TADA2A: variants seen among roughly 807,000 people sequenced by gnomAD.
The protein encoded by TADA2A is transcriptional adapter 2-alpha.
TADA2A carries 38 observed loss-of-function variants against 67.4 expected under a neutral mutation model. That is an observed-to-expected ratio of 0.56 (90% CI 0.44 to 0.74). TADA2A has a LOEUF of 0.74. TADA2A is among the 30% of genes least tolerant of loss of function. The probability of loss-of-function intolerance (pLI) is 0.00; values close to 1 mark genes in which losing one functional copy is unlikely to be tolerated. For missense variants in TADA2A, 454 were observed against 547.0 expected, an observed-to-expected ratio of 0.83 and a Z score of 1.70; for synonymous variants, 192 against 181.6, an observed-to-expected ratio of 1.06 and a Z score of -0.46.
Position 37,474,565 on chromosome 17 carries a change from G to A in TADA2A, c.1082G>A (p.Ser361Asn). Residue 361 changes from serine (S) to asparagine (N), a missense_variant, in exon 15 of 16, where the codon AGT becomes AAT. Ser to Asn is a conservative substitution (Grantham distance 46). Around this residue, in one of 2 missense-constraint regions of TADA2A, gnomAD observed 403 missense variants for 455.5 expected, o/e 0.88. Coordinates refer to ENST00000615182, the MANE Select transcript of TADA2A (RefSeq NM_001166105.3). ...CTTTCTCTGTCTATAGGTAGACGGA[G>A]TGCACCACCCTTGAACCTCACTGGC... ...IPMASNSGRR[S>N]APPLNLTGLP... The A allele has an allele frequency of 1.9e-6, 3 of 1,613,646 alleles. No individual in the cohort carries two copies.
At position 37,430,234 on chromosome 17, in the gene TADA2A, C is replaced by G. The variant is rs139450261; in HGVS notation, c.192+3225C>G. 1.0e-3 allele frequency among the ~76,000 whole-genome samples: 159 copies of G among 152,342 alleles called. 3 individuals carry two copies. In the East Asian group the frequency reaches 0.029, roughly 27 times the overall value. Reference sequence around the variant, plus strand: ...CATCATCCTTTTCTCACGTATTCAACACCCATACAATCACATTTCAGAGTA... The same window carrying G: ...CATCATCCTTTTCTCACGTATTCAAGACCCATACAATCACATTTCAGAGTA... On this transcript the variant is annotated intron_variant, in intron 4 of 15. Transcript: ENST00000615182.
chr17:37,411,810 C>G (rs1264031555), intron 2 of TADA2A, among the ~76,000 whole-genome samples: 1 of 151,892 alleles, frequency 6.6e-6, no homozygotes, highest in Admixed American at 6.6e-5. Flanking sequence ...CAATAAAGCC[C>G]TTTGACTCTG....
chr17:37,444,690 A>G lies in TADA2A; in HGVS notation c.532-6A>G, dbSNP rs2053023582. 1 of 1,613,690 alleles carries G rather than the reference A, an allele frequency of 6.2e-7. No individual in the cohort carries two copies. The highest frequency in any genetic ancestry group is 8.5e-7 in the Non-Finnish European group (1 of 1,179,788). On this transcript the variant is annotated splice_polypyrimidine_tract_variant and splice_region_variant and intron_variant, in intron 7 of 15. Coordinates refer to ENST00000615182, the MANE Select transcript of TADA2A (RefSeq NM_001166105.3). ...GGGGTGGGGATTTTTTTGTTCCCCT[A>G]AACAGGAATTTGACAATTATGCAGA...
In TADA2A at chr17:37,427,009, G is replaced by T; in HGVS notation, c.192G>T (p.Met64Ile). Residue 64 changes from methionine (M) to isoleucine (I), a missense_variant and splice_region_variant, in exon 4 of 16, where the codon ATG becomes ATT. Transcript: ENST00000615182. ...AAAGCGATCATACTTATGAAATAAT[G>T]GTAATGATGAAGTTGCTGGGAATTT... ...KHQSDHTYEI[M>I]TSDFPVLDPS... The T allele has an allele frequency of 6.3e-7, 1 of 1,575,386 alleles. No individual in the cohort carries two copies. Among genetic ancestry groups the T allele is most frequent in the Non-Finnish European group, 8.6e-7 (1 of 1,159,056 alleles).
intron 3 of TADA2A, among the ~76,000 whole-genome samples, chr17:37,425,647 G>A (rs1394892330): frequency 1.3e-5 from 2 of 151,880 alleles, no homozygotes; most frequent in Admixed American, 6.6e-5. Flanking sequence ...CTTGATTTCA[G>A]AGAGTTTTTT....
rs931699078 is a variant in TADA2A, at chr17:37,439,954, T to A, written c.285-551T>A. ...TATTTATTTATTTATTATTTTTTTT[T>A]TTTTTTGAGATGGAGTTTCGCTCTT... is the stretch of plus-strand genomic sequence containing the variant. On this transcript the variant is annotated intron_variant, in intron 5 of 15. Transcript: ENST00000615182. 1.1e-3 allele frequency among the ~76,000 whole-genome samples: 158 copies of A among 146,640 alleles called. 1 individual carries two copies. The highest frequency in any genetic ancestry group is 3.5e-3 in the African/African-American group (139 of 39,868).
At position 37,478,660 on chromosome 17, in the gene TADA2A, T is replaced by C. The variant is rs1042621087; in HGVS notation, c.*1678T>C. 10 of 152,332 alleles carry C rather than the reference T, an allele frequency of 6.6e-5. No homozygotes were observed. Among genetic ancestry groups the C allele is most frequent in the African/African-American group, 1.9e-4 (8 of 41,572 alleles). 9.4% of individuals were successfully genotyped at this position (152,332 alleles called of 1,614,324 possible). A position where few individuals can be genotyped will look rare whatever the true frequency, so the allele number is the denominator to read the frequency against. On this transcript the variant is annotated 3_prime_UTR_variant, in exon 16 of 16. Coordinates refer to ENST00000615182, the MANE Select transcript of TADA2A (RefSeq NM_001166105.3). ...TGTTTCTGTTAGAAACAAAGTTGTA[T>C]ATAGAAATAACTTCGTCAGAATCGA...
In TADA2A at chr17:37,468,112, G is replaced by A. The variant is rs185969732; in HGVS notation, c.895+587G>A. On this transcript the variant is annotated intron_variant, in intron 12 of 15. Transcript: ENST00000615182. ...AAAAAAAAAGGAATTTTATATTTTA[G>A]GTGTGTCACCCTTTTCAAATTTAAT... Among the ~76,000 whole-genome samples, 4 of 151,964 alleles carry A rather than the reference G, an allele frequency of 2.6e-5. 1 individual carries two copies. The highest frequency in any genetic ancestry group is 6.6e-5 in the Admixed American group (1 of 15,260).
At chr17:37,463,996 C>T (rs1215698223) in intron 10 of TADA2A, among the ~76,000 whole-genome samples, 1 of 151,910 alleles carries the variant, frequency 6.6e-6, no homozygotes, top group East Asian at 1.9e-4. Context: ...AAATAGCTGT[C>T]ATAAATGAAA....
At chr17:37,424,009 A>G (rs912127572) in intron 3 of TADA2A, among the ~76,000 whole-genome samples, 1 of 151,948 alleles carries the variant, frequency 6.6e-6, no homozygotes, top group Non-Finnish European at 1.5e-5. Flanking sequence ...CAGCCTCCCA[A>G]AGTTCTGGGA....
Position 37,443,153 on chromosome 17 carries a change from C to T in TADA2A, c.531+501C>T, listed in dbSNP as rs546559403. Among the ~76,000 whole-genome samples the T allele has an allele frequency of 2.6e-5, 4 of 152,148 alleles. No homozygotes were observed. In the East Asian group the frequency reaches 7.7e-4, roughly 29 times the overall value. On this transcript the variant is annotated intron_variant, in intron 7 of 15. Coordinates refer to ENST00000615182, the MANE Select transcript of TADA2A (RefSeq NM_001166105.3). The stretch of plus-strand genomic sequence containing the variant: ...CTGCACCCTAGACAACAGAGTAAGA[C>T]CCTGTCTCCAAAAAACAAAAAAACC...
chr17:37,468,276 T>C (rs564478982), intron 12 of TADA2A, among the ~76,000 whole-genome samples: 1 of 152,304 alleles, frequency 6.6e-6, no homozygotes, highest in Non-Finnish European at 1.5e-5. Flanking sequence ...TGTACCAGTC[T>C]CTATGCTAAC....
chr17:37,425,389 T>G (rs1352506604), intron 3 of TADA2A, among the ~76,000 whole-genome samples: 1 of 152,176 alleles, frequency 6.6e-6, no homozygotes, highest in African/African-American at 2.4e-5. Flanking sequence ...CTTTGAGTAC[T>G]TTACATGAAT....
At chr17:37,439,946 T>TTTATTTA (rs1351599834) in intron 5 of TADA2A, among the ~76,000 whole-genome samples, 1 of 18,140 alleles carries the variant, frequency 5.5e-5, no homozygotes, top group African/African-American at 2.0e-4. Flanking sequence ...TTATTTATTA[T>TTTATTTA]TTTTTTTTTT....
rs116453835 is a variant in TADA2A at position 37,436,111 on chromosome 17, G to T, written c.193-1627G>T. On this transcript the variant is annotated intron_variant, in intron 4 of 15. Coordinates refer to ENST00000615182, the MANE Select transcript of TADA2A (RefSeq NM_001166105.3). ...ATACTTCCCAATGACACTAACCAAC[G>T]TAATTATTTATTTGCTTTACCTCAT... Among the ~76,000 whole-genome samples, 858 of 151,678 alleles carry T rather than the reference G, an allele frequency of 5.7e-3. 10 individuals are homozygous for T. Among genetic ancestry groups the T allele is most frequent in the African/African-American group, 0.02 (812 of 41,338 alleles).
At chr17:37,451,188 T>C (rs975146068) in intron 8 of TADA2A, among the ~76,000 whole-genome samples, 3 of 152,074 alleles carry the variant, frequency 2.0e-5, no homozygotes, top group African/African-American at 7.2e-5. Context: ...CCACCACACT[T>C]GGCTAATTTA....
Position 37,458,491 on chromosome 17 carries a change from G to A in TADA2A, c.605-33G>A, listed in dbSNP as rs756904853. 4.6e-5 allele frequency: 65 copies of A among 1,405,310 alleles called. No homozygotes were observed. The East Asian group carries it at 1.1e-3, about 23-fold the overall frequency. 87.1% of individuals were successfully genotyped at this position (1,405,310 alleles called of 1,614,324 possible). ...TATTTATATAATATATATATGATAT[G>A]TATATATAGTATATGTATGAATTTA... On this transcript the variant is annotated intron_variant, in intron 8 of 15. Transcript: ENST00000615182.
chr17:37,456,187 G>T (rs1011997537), intron 8 of TADA2A, among the ~76,000 whole-genome samples: 1 of 152,124 alleles, frequency 6.6e-6, no homozygotes, highest in Non-Finnish European at 1.5e-5. Context: ...GCAACAGAGC[G>T]AGACTCCATC....
At chr17:37,463,559 C>G (rs989482272) in intron 10 of TADA2A, among the ~76,000 whole-genome samples, 2 of 151,894 alleles carry the variant, frequency 1.3e-5, no homozygotes, top group Non-Finnish European at 2.9e-5. Context: ...GAGCTATAAT[C>G]ATGTCACTGC....
Sources: allele counts gnomAD v4.1 joint callset (sites outside exome capture counted in the v4.1 genomes callset), GRCh38; gene constraint gnomAD v4.1.1; regional missense constraint gnomAD v4.1.1; transcripts MANE v1.5; gene names NCBI Gene and HGNC (gene_info 2026-07-23, HGNC 2026-07-21).